SP3: variants seen among roughly 807,000 people sequenced by gnomAD.
SP3 encodes the protein Sp3 transcription factor, also known as transcription factor Sp3.
Under a neutral mutation model 70.3 loss-of-function variants are expected in SP3, and 10 were observed. The observed-to-expected ratio is 0.14, with a 90% CI of 0.09 to 0.24. SP3 has a LOEUF of 0.24. SP3 is among the 10% of genes least tolerant of loss of function. The pLI is 1.00. For missense variants in SP3, 825 were observed against 914.6 expected, an observed-to-expected ratio of 0.90 and a Z score of 1.26; for synonymous variants, 402 against 333.5, an observed-to-expected ratio of 1.21 and a Z score of -2.24.
chr2:173,935,201 C>CTCCA (rs1690175318), intron 4 of SP3, among the ~76,000 whole-genome samples: 1 of 152,196 alleles, frequency 6.6e-6, no homozygotes, highest in Admixed American at 6.5e-5. Flanking sequence ...TGCCACTGTA[C>CTCCA]TCCAGCCTGG....
chr2:173,917,789 T>G (rs1689650626), intron 5 of SP3, among the ~76,000 whole-genome samples: 1 of 152,078 alleles, frequency 6.6e-6, no homozygotes, highest in South Asian at 2.1e-4. Flanking sequence ...TGGTGGAAAT[T>G]TAATATTATT....
chr2:173,953,741 CTG>C (rs749143842), intron 4 of SP3, among the ~76,000 whole-genome samples: 1 of 150,284 alleles, frequency 6.7e-6, no homozygotes, highest in African/African-American at 2.5e-5. Flanking sequence ...GCACTCCAGC[CTG>C]TGTGACAGAG....
chr2:173,936,514 G>T (rs1255987181), intron 4 of SP3, among the ~76,000 whole-genome samples: 2 of 152,134 alleles, frequency 1.3e-5, no homozygotes, highest in Non-Finnish European at 2.9e-5. Context: ...TTATTCAAAT[G>T]TGTCCTATCA....
intron 4 of SP3, among the ~76,000 whole-genome samples, chr2:173,944,875 G>C (rs1690486314): frequency 6.6e-6 from 1 of 152,202 alleles, no homozygotes; most frequent in South Asian, 2.1e-4. Context: ...CCAGCACTTT[G>C]GGAGGCCAAG....
At chr2:173,950,449 CAA>C (rs1052496520) in intron 4 of SP3, among the ~76,000 whole-genome samples, 1 of 151,978 alleles carries the variant, frequency 6.6e-6, no homozygotes, top group African/African-American at 2.4e-5. Flanking sequence ...GAGGCCAAGG[CAA>C]AAGGACTGCT....
rs1394435134 is a variant in SP3, at chr2:173,909,428, T to A, written c.*513A>T. 1 of 153,118 alleles carries A rather than the reference T, an allele frequency of 6.5e-6. No individual in the cohort carries two copies. The highest frequency in any genetic ancestry group is 6.5e-5 in the Admixed American group (1 of 15,364). The allele number at this position is 153,118 out of a possible 1,614,324, so 9.5% of individuals were successfully genotyped here. ...AGTTAACCTAATTAAAATAATTAGC[T>A]TCAAAATGACAAATTGATAAGCTAA... is the stretch of plus-strand genomic sequence containing the variant. On this transcript the variant is annotated 3_prime_UTR_variant, in exon 7 of 7. Coordinates refer to ENST00000310015, the MANE Select transcript of SP3 (RefSeq NM_003111.5).
chr2:173,964,076 C>G, intron 2 of SP3, 193 bp from the exon 3 acceptor site: 1 of 354,878 alleles, frequency 2.8e-6, no homozygotes, highest in Non-Finnish European at 5.0e-6. Context: ...GTCCCCCGCT[C>G]CAAGCACCCC....
At chr2:173,928,722 C>T (rs1227149732) in intron 4 of SP3, among the ~76,000 whole-genome samples, 2 of 152,064 alleles carry the variant, frequency 1.3e-5, no homozygotes, top group Non-Finnish European at 2.9e-5. Flanking sequence ...TCATCTCTGC[C>T]GTATTACCTA....
At chr2:173,963,395 C>T (rs918142026) in intron 3 of SP3, 4 of 152,250 alleles carry the variant, frequency 2.6e-5, no homozygotes, top group African/African-American at 7.2e-5. Context: ...AAGACATTGC[C>T]TCTAGTTGAT....
Position 173,908,053 on chromosome 2 carries a change from A to C in SP3, c.*1888T>G, listed in dbSNP as rs1170929961. The C allele has an allele frequency of 6.6e-6, 1 of 152,112 alleles. No individual in the cohort carries two copies. Among genetic ancestry groups the C allele is most frequent in the African/African-American group, 2.4e-5 (1 of 41,456 alleles). 9.4% of individuals were successfully genotyped at this position (152,112 alleles called of 1,614,324 possible). On this transcript the variant is annotated 3_prime_UTR_variant, in exon 7 of 7. Transcript: ENST00000310015. ...TTACTTTAAAACATCTACAATACAC[A>C]ATCACATTAATACTCTTTCCTCCTA...
In SP3 at chr2:173,909,912, A is replaced by G; in HGVS notation, c.*29T>C. 1 of 1,594,780 alleles carries G rather than the reference A, an allele frequency of 6.3e-7. No individual in the cohort carries two copies. The highest frequency in any genetic ancestry group is 1.7e-5 in the Admixed American group (1 of 59,434). On this transcript the variant is annotated 3_prime_UTR_variant, in exon 7 of 7. Coordinates refer to ENST00000310015, the MANE Select transcript of SP3 (RefSeq NM_003111.5). ...TTCTTCTCACTACTGTATAAAAATA[A>G]CCACAATGAATAAGTATTTGTGTAA...
At chr2:173,944,706 G>A (rs1374320423) in intron 4 of SP3, among the ~76,000 whole-genome samples, 1 of 152,164 alleles carries the variant, frequency 6.6e-6, no homozygotes, top group Non-Finnish European at 1.5e-5. Flanking sequence ...TGTTCATCCA[G>A]AATCCTTATT....
At chr2:173,920,073 G>A (rs191730666) in intron 4 of SP3, among the ~76,000 whole-genome samples, 16 of 151,090 alleles carry the variant, frequency 1.1e-4, no homozygotes, top group African/African-American at 3.4e-4. Flanking sequence ...AAAGCATTTC[G>A]AACAAAAGAA....
intron 4 of SP3, among the ~76,000 whole-genome samples, chr2:173,932,735 G>A (rs1011011914): frequency 4.0e-5 from 6 of 151,362 alleles, no homozygotes; most frequent in African/African-American, 1.2e-4. Context: ...GCTCACGCCT[G>A]TAATCCCAGC....
chr2:173,956,202 C>G lies in SP3; in HGVS notation c.310G>C (p.Gly104Arg), dbSNP rs1690889529. The G allele has an allele frequency of 6.2e-7, 1 of 1,610,382 alleles. No homozygotes were observed. The highest frequency in any genetic ancestry group is 1.7e-5 in the Admixed American group (1 of 59,818). ...AAAACCTCCCATCGGTTTGGTGCTCCTCCTAACTGTGCAGAAGCCAAATCA... is the reference window on the plus strand; with the variant it reads ...AAAACCTCCCATCGGTTTGGTGCTCGTCCTAACTGTGCAGAAGCCAAATCA... ...TGDLASAQLGGAPNRWEVLSA... is the reference protein window; with the variant it reads ...TGDLASAQLGRAPNRWEVLSA... The change falls in exon 4 of 7, where the codon GGA becomes CGA. Residue 104 changes from glycine (G) to arginine (R), a missense_variant. Gly to Arg is a moderately radical substitution (Grantham distance 125, BLOSUM62 -2). This residue lies in a region of SP3 where 678 missense variants were observed against 651.6 expected (regional missense o/e 1.04). Coordinates refer to ENST00000310015, the MANE Select transcript of SP3 (RefSeq NM_003111.5).
At chr2:173,922,518 A>ACT (rs1559093600) in intron 4 of SP3, among the ~76,000 whole-genome samples, 2 of 151,986 alleles carry the variant, frequency 1.3e-5, no homozygotes, top group East Asian at 3.9e-4. Context: ...CAGCATATAC[A>ACT]TTAGGCATTG....
Position 173,908,819 on chromosome 2 carries a change from C to G in SP3, c.*1122G>C, listed in dbSNP as rs1689395807. On this transcript the variant is annotated 3_prime_UTR_variant, in exon 7 of 7. Coordinates refer to ENST00000310015, the MANE Select transcript of SP3 (RefSeq NM_003111.5). ...ACAGCATAATAAAAAACATACGCTT[C>G]TCAATTAAATGTACTGGATACATAT... The G allele has an allele frequency of 6.6e-6, 1 of 151,424 alleles. No individual in the cohort carries two copies. Among genetic ancestry groups the G allele is most frequent in the African/African-American group, 2.4e-5 (1 of 41,068 alleles). The allele number at this position is 151,424 out of a possible 1,614,324, so 9.4% of individuals were successfully genotyped here. A position where few individuals can be genotyped will look rare whatever the true frequency, so the allele number is the denominator to read the frequency against.
Position 173,901,791 on chromosome 2 carries a change from T to C in SP3, c.*8150A>G, listed in dbSNP as rs984380494. On this transcript the variant is annotated 3_prime_UTR_variant, in exon 7 of 7. Coordinates refer to ENST00000310015, the MANE Select transcript of SP3 (RefSeq NM_003111.5). ...ATCTCGGCTCACTGCAACCTATGCCTCCTGCGTTCAAGCGATTCTCGTGCC... is the reference window on the plus strand; with the variant it reads ...ATCTCGGCTCACTGCAACCTATGCCCCCTGCGTTCAAGCGATTCTCGTGCC... 2.1e-5 allele frequency among the ~76,000 whole-genome samples: 3 copies of C among 140,574 alleles called. No individual in the cohort carries two copies. Among genetic ancestry groups the C allele is most frequent in the African/African-American group, 7.9e-5 (3 of 37,870 alleles). The allele number at this position is 140,574 out of a possible 152,430, so 92.2% of individuals were successfully genotyped here.
chr2:173,920,211 G>A (rs1689714725), intron 4 of SP3, among the ~76,000 whole-genome samples: 1 of 151,942 alleles, frequency 6.6e-6, no homozygotes, highest in African/African-American at 2.4e-5. Context: ...CATATGACAC[G>A]TTGGAAAAGG....
Sources: allele counts gnomAD v4.1 joint callset (sites outside exome capture counted in the v4.1 genomes callset), GRCh38; gene constraint gnomAD v4.1.1; regional missense constraint gnomAD v4.1.1; transcripts MANE v1.5; gene names NCBI Gene and HGNC (gene_info 2026-07-23, HGNC 2026-07-21).